EDN2: variants seen among roughly 807,000 people sequenced by gnomAD.
EDN2 encodes endothelin 2, also known as endothelin-2.
EDN2 carries 10 observed loss-of-function variants against 19.9 expected under a neutral mutation model. The ratio of observed to expected loss-of-function variants is 0.50; its 90% CI spans 0.31 to 0.85. EDN2 has a LOEUF of 0.85. EDN2 is among the 40% of genes least tolerant of loss of function. EDN2 has a pLI of 0.05. For missense variants in EDN2, 222 were observed against 239.3 expected (o/e 0.93, Z 0.48); for synonymous variants, 84 against 94.9 (o/e 0.89, Z 0.67).
In EDN2 at chr1:41,481,130, T is replaced by C. The variant is rs779033372; in HGVS notation, c.408A>G (p.Thr136=). The C allele has an allele frequency of 1.6e-4, 251 of 1,613,966 alleles. No individual in the cohort carries two copies. Among genetic ancestry groups the C allele is most frequent in the Non-Finnish European group, 2.0e-4 (231 of 1,180,022 alleles). ...SPADVFQTGK[T]GATTGELLQR... ...GGAGAAGCTCTCCTGTAGTGGCCCC[T>C]GTCTTGCCAGTCTGGAACACGTCTG... The change falls in exon 4 of 5, where the codon ACA becomes ACG. Residue 136 remains threonine, a synonymous_variant. Coordinates refer to ENST00000372587, the MANE Select transcript of EDN2 (RefSeq NM_001956.5).
intron 3 of EDN2, among the ~76,000 whole-genome samples, chr1:41,481,810 G>T (rs765114629): frequency 4.6e-5 from 7 of 152,146 alleles, no homozygotes; most frequent in Non-Finnish European, 1.0e-4. Flanking sequence ...CAAAGTGCTG[G>T]GATTACAGGT....
chr1:41,481,076 A>C lies in EDN2; in HGVS notation c.443+19T>G, dbSNP rs1361452474. ...CATACAGGAGGTGCTCAGTCTGTGC[A>C]TGTGTCCCACGCCCTCACCTCAGCC... On this transcript the variant is annotated intron_variant, in intron 4 of 4. Transcript: ENST00000372587. The C allele has an allele frequency of 1.3e-6, 2 of 1,597,364 alleles. No homozygotes were observed. Among genetic ancestry groups the C allele is most frequent in the East Asian group, 4.5e-5 (2 of 44,794 alleles).
chr1:41,479,331 G>C lies in EDN2; in HGVS notation c.*78C>G, dbSNP rs1017346321. On this transcript the variant is annotated 3_prime_UTR_variant, in exon 5 of 5. Transcript: ENST00000372587. The stretch of plus-strand genomic sequence containing the variant: ...GGCCCCGGTCCAGGAAGCAGGCAGA[G>C]AGTCCACAAGCCCTGGCCACTTCTC... 1 of 1,239,704 alleles carries C rather than the reference G, an allele frequency of 8.1e-7. No individual in the cohort carries two copies. Among genetic ancestry groups the C allele is most frequent in the East Asian group, 2.4e-5 (1 of 41,696 alleles). 76.8% of individuals were successfully genotyped at this position (1,239,704 alleles called of 1,614,324 possible).
intron 2 of EDN2, 146 bp downstream of exon 2, chr1:41,483,901 C>T (rs1179065947): frequency 7.0e-6 from 6 of 855,030 alleles, no homozygotes; most frequent in Middle Eastern, 7.2e-4. Flanking sequence ...GGAATTGAAA[C>T]AATTAACTAT....
At chr1:41,480,189 T>C (rs1644235530) in intron 4 of EDN2, among the ~76,000 whole-genome samples, 1 of 152,250 alleles carries the variant, frequency 6.6e-6, no homozygotes, top group South Asian at 2.1e-4. Context: ...CTTGTACTCA[T>C]ATTTTTCATT....
At chr1:41,480,877 T>C in intron 4 of EDN2, 1 of 671,836 alleles carries the variant, frequency 1.5e-6, no homozygotes, top group East Asian at 2.8e-5. Flanking sequence ...CTTCCAGGCC[T>C]AGTGGTAACA....
chr1:41,484,226 G>A (rs1267776284), intron 1 of EDN2, 23 bp from the exon 2 acceptor site: 3 of 1,605,888 alleles, frequency 1.9e-6, no homozygotes, highest in South Asian at 1.1e-5. Flanking sequence ...GAGGGAGAGA[G>A]AGGTGGAGAG....
At chr1:41,479,552 C>T (rs1206265422) in intron 4 of EDN2, 50 bp from the exon 5 acceptor site, 5 of 1,523,192 alleles carry the variant, frequency 3.3e-6, no homozygotes, top group South Asian at 1.1e-5. Context: ...ATGGACTGTC[C>T]AAGAGCTCCC....
chr1:41,481,150 C>G lies in EDN2; in HGVS notation c.388G>C (p.Val130Leu), dbSNP rs199637889. The part of the protein sequence containing the change: ...AVPSRKSPAD[V>L]FQTGKTGATT... ...GCCCCTGTCTTGCCAGTCTGGAACA[C>G]GTCTGCAGGGGACTTCCGGCTTGGG... The change falls in exon 4 of 5, where the codon GTG becomes CTG. Residue 130 changes from valine to leucine, a missense_variant. Transcript: ENST00000372587. 6.2e-7 allele frequency: 1 copy of G among 1,613,992 alleles called. No individual in the cohort carries two copies. The highest frequency in any genetic ancestry group is 8.5e-7 in the Non-Finnish European group (1 of 1,180,044).
At chr1:41,483,888 T>C in intron 2 of EDN2, 159 bp downstream of exon 2, 1 of 766,936 alleles carries the variant, frequency 1.3e-6, no homozygotes, top group Non-Finnish European at 2.1e-6. Flanking sequence ...TGGTCCCCAC[T>C]CAGGAATTGA....
intron 4 of EDN2, chr1:41,480,623 G>C: frequency 2.3e-6 from 1 of 436,326 alleles, no homozygotes; most frequent in South Asian, 1.6e-5. Flanking sequence ...CTGCCCGGCA[G>C]GTGCAAGTGT....
chr1:41,481,336 CA>C (rs1387032811), intron 3 of EDN2, 143 bp from the exon 4 acceptor site: 7 of 618,648 alleles, frequency 1.1e-5, no homozygotes, highest in Non-Finnish European at 2.0e-5. Context: ...GTGCACCTGG[CA>C]TCTTTCCCTT....
chr1:41,482,338 G>A, intron 3 of EDN2, 128 bp downstream of exon 3: 1 of 1,153,346 alleles, frequency 8.7e-7, no homozygotes. Flanking sequence ...CAGCCTGTGG[G>A]CCCCTGGGTC....
chr1:41,481,026 T>A, intron 4 of EDN2, 69 bp downstream of exon 4: 2 of 1,336,248 alleles, frequency 1.5e-6, no homozygotes, highest in Admixed American at 3.5e-5. Context: ...CTGCCTCACA[T>A]AGAAAATATG....
chr1:41,480,636 G>C (rs1335943553), intron 4 of EDN2: 1 of 452,588 alleles, frequency 2.2e-6, no homozygotes, highest in Non-Finnish European at 4.4e-6. Flanking sequence ...GCAAGTGTCT[G>C]TTCTTGAGTT....
intron 3 of EDN2, among the ~76,000 whole-genome samples, chr1:41,481,893 T>C (rs973666142): frequency 6.6e-6 from 1 of 152,052 alleles, no homozygotes; most frequent in African/African-American, 2.4e-5. Context: ...TCCATGTGGG[T>C]GAGGGAAGGA....
rs11572372 is a variant in EDN2, at chr1:41,479,369, C to T, written c.*40G>A. On this transcript the variant is annotated 3_prime_UTR_variant, in exon 5 of 5. Coordinates refer to ENST00000372587, the MANE Select transcript of EDN2 (RefSeq NM_001956.5). Reference sequence around the variant, plus strand: ...CTGGCCACTTCTCTCCTCCTCTCTCCCCGCGGGCTTCCTTCCCAATGTTCC... The same window carrying T: ...CTGGCCACTTCTCTCCTCCTCTCTCTCCGCGGGCTTCCTTCCCAATGTTCC... The T allele has an allele frequency of 0.018, 28,431 of 1,542,932 alleles. 525 individuals are homozygous for T. Among genetic ancestry groups the T allele is most frequent in the South Asian group, 0.072 (6,411 of 89,416 alleles).
Position 41,484,524 on chromosome 1 carries a change from C to T in EDN2, c.64+14G>A. Reference sequence around the variant, plus strand: ...CAGGAGCTGTAGGCAGCAGGTGAGGCCAGGGCAGCTCACCTTCATGCAGGG... The same window carrying T: ...CAGGAGCTGTAGGCAGCAGGTGAGGTCAGGGCAGCTCACCTTCATGCAGGG... On this transcript the variant is annotated intron_variant, in intron 1 of 4. Transcript: ENST00000372587. 6.4e-7 allele frequency: 1 copy of T among 1,552,116 alleles called. No homozygotes were observed. The highest frequency in any genetic ancestry group is 8.7e-7 in the Non-Finnish European group (1 of 1,147,406).
At position 41,482,417 on chromosome 1, in the gene EDN2, C is replaced by A. The variant is rs994669973; in HGVS notation, c.344+49G>T. 5 of 1,529,468 alleles carry A rather than the reference C, an allele frequency of 3.3e-6. No individual in the cohort carries two copies. In the African/African-American group the frequency reaches 7.1e-5, roughly 22 times the overall value. The allele number at this position is 1,529,468 out of a possible 1,614,324, so 94.7% of individuals were successfully genotyped here. ...CCAGACACCTGCTCCCCAGGGCATG[C>A]CCGGGCTTGCAGCTACCCTATGCCC... On this transcript the variant is annotated intron_variant, in intron 3 of 4. Transcript: ENST00000372587.
Sources: gnomAD v4.1 joint callset for allele counts (sites outside exome capture counted in the v4.1 genomes callset) on GRCh38, gnomAD v4.1.1 for gene constraint, MANE v1.5 for transcripts, NCBI Gene and HGNC (gene_info 2026-07-23, HGNC 2026-07-21) for gene names.